NSL1: variants seen among roughly 807,000 people sequenced by gnomAD.
NSL1 encodes the protein NSL1 component of MIS12 kinetochore complex.
Under a neutral mutation model 25.4 loss-of-function variants are expected in NSL1, and 11 were observed. The observed-to-expected ratio is 0.43, with a 90% CI of 0.27 to 0.72. The LOEUF is 0.72. Among genes scored for constraint, NSL1 ranks in the 30% least tolerant of loss-of-function variants. The probability of loss-of-function intolerance (pLI) is 0.19; values close to 1 mark genes in which losing one functional copy is unlikely to be tolerated. For synonymous variants in NSL1, 118 were observed against 120.6 expected (o/e 0.98, Z 0.14); for missense variants, 330 against 342.7 (o/e 0.96, Z 0.29).
intron 4 of NSL1, chr1:212,766,394 T>C (rs2102375980): frequency 2.3e-6 from 1 of 426,022 alleles, no homozygotes. Context: ...ACCCAAACTG[T>C]CACTGTTTGC....
intron 4 of NSL1, among the ~76,000 whole-genome samples, chr1:212,743,471 T>TC (rs1658602615): frequency 2.0e-5 from 3 of 151,600 alleles, no homozygotes; most frequent in Non-Finnish European, 4.4e-5. Context: ...CTTATTTGTT[T>TC]TTTTTTTTTT....
chr1:212,759,263 G>T (rs577928666), intron 4 of NSL1, among the ~76,000 whole-genome samples: 1 of 152,264 alleles, frequency 6.6e-6, no homozygotes, highest in South Asian at 2.1e-4. Flanking sequence ...GAGATGGGGA[G>T]GGGGCTTCAA....
chr1:212,762,239 G>A (rs574906401), intron 4 of NSL1, among the ~76,000 whole-genome samples: 6 of 149,870 alleles, frequency 4.0e-5, no homozygotes, highest in African/African-American at 1.2e-4. Flanking sequence ...CAGAGGTTGC[G>A]GTGCGCCAAG....
At chr1:212,781,038 G>A (rs1660710893) in intron 4 of NSL1, among the ~76,000 whole-genome samples, 1 of 152,134 alleles carries the variant, frequency 6.6e-6, no homozygotes, top group South Asian at 2.1e-4. Context: ...ATAACTGTAG[G>A]CTAATTTTGC....
rs1268799355 is a variant in NSL1 at position 212,745,160 on chromosome 1, C to CAAACTA, written c.500-5560_500-5559insTAGTTT. 2.2e-3 allele frequency among the ~76,000 whole-genome samples: 256 copies of CAAACTA among 116,802 alleles called. 2 individuals are homozygous for CAAACTA. The highest frequency in any genetic ancestry group is 4.6e-3 in the South Asian group (17 of 3,678). 76.6% of individuals were successfully genotyped at this position (116,802 alleles called of 152,430 possible). On this transcript the variant is annotated intron_variant, in intron 4 of 5. Transcript: ENST00000366977. ...CAAAACAAACAAACAAACAAACAAA[C>CAAACTA]TATATATATATATATATATATATAT...
rs78314391 is a variant in NSL1, at chr1:212,738,779, T to G, written c.568-93A>C. The G allele has an allele frequency of 4.9e-6, 4 of 818,274 alleles. No individual in the cohort carries two copies. The East Asian group carries it at 1.2e-4, about 24-fold the overall frequency. 50.7% of individuals were successfully genotyped at this position (818,274 alleles called of 1,614,324 possible). On this transcript the variant is annotated intron_variant, in intron 5 of 5. Coordinates refer to ENST00000366977, the MANE Select transcript of NSL1 (RefSeq NM_015471.4). ...TGCAGTACTCTAATTTTTTTTTTTT[T>G]TCTTGAGAAGTCTTGCTTTGTTGCC...
chr1:212,785,586 C>T (rs533177869), intron 2 of NSL1, among the ~76,000 whole-genome samples: 41 of 152,036 alleles, frequency 2.7e-4, no homozygotes, highest in South Asian at 8.3e-4. Flanking sequence ...TGAGAACATG[C>T]GGTGTTTGGT....
chr1:212,762,893 T>C (rs546499328), intron 4 of NSL1, among the ~76,000 whole-genome samples: 21 of 152,244 alleles, frequency 1.4e-4, no homozygotes, highest in African/African-American at 4.6e-4. Context: ...GGAGGGGTCA[T>C]AGGGTGAAAG....
At chr1:212,747,622 C>T (rs981827469) in intron 4 of NSL1, among the ~76,000 whole-genome samples, 1 of 152,198 alleles carries the variant, frequency 6.6e-6, no homozygotes, top group African/African-American at 2.4e-5. Context: ...TAAGAGATAA[C>T]ACATTTATTG....
chr1:212,767,707 C>G (rs972650643), intron 4 of NSL1, among the ~76,000 whole-genome samples: 4 of 152,026 alleles, frequency 2.6e-5, no homozygotes, highest in Admixed American at 1.3e-4. Flanking sequence ...CTACAAGAAA[C>G]TCAAACAAAT....
rs1433550234 is a variant in NSL1 at position 212,728,987 on chromosome 1, A to C, written c.*9421T>G. 3.0e-6 allele frequency: 3 copies of C among 985,242 alleles called. No individual in the cohort carries two copies. The highest frequency in any genetic ancestry group is 1.1e-4 in the East Asian group (1 of 8,838). The allele number at this position is 985,242 out of a possible 1,614,324, so 61.0% of individuals were successfully genotyped here. A position where few individuals can be genotyped will look rare whatever the true frequency, so the allele number is the denominator to read the frequency against. On this transcript the variant is annotated 3_prime_UTR_variant, in exon 6 of 6. Coordinates refer to ENST00000366977, the MANE Select transcript of NSL1 (RefSeq NM_015471.4). ...AAAGAAATGAGGAGTAATTTTAGTA[A>C]GGAGGATTTCTAAAGAAGCAGTCAT...
chr1:212,791,294 A>C (rs1661242100), intron 1 of NSL1, among the ~76,000 whole-genome samples: 1 of 152,248 alleles, frequency 6.6e-6, no homozygotes, highest in Non-Finnish European at 1.5e-5. Flanking sequence ...TTAAAACTAC[A>C]TAAAGATTAG....
chr1:212,749,039 G>C (rs1248676495), intron 4 of NSL1, among the ~76,000 whole-genome samples: 1 of 151,980 alleles, frequency 6.6e-6, no homozygotes, highest in Non-Finnish European at 1.5e-5. Flanking sequence ...TTAAAAATAA[G>C]TTTATCCTAT....
chr1:212,790,914 C>T (rs1661195575), intron 1 of NSL1, among the ~76,000 whole-genome samples: 1 of 149,996 alleles, frequency 6.7e-6, no homozygotes, highest in African/African-American at 2.5e-5. Context: ...CAGAGCGAGA[C>T]TCTGTCTCAA....
intron 4 of NSL1, among the ~76,000 whole-genome samples, chr1:212,778,635 G>A (rs1219852684): frequency 1.3e-5 from 2 of 152,108 alleles, no homozygotes; most frequent in African/African-American, 2.4e-5. Context: ...TCCTAACCGC[G>A]AGTGATCTGC....
chr1:212,782,142 G>A (rs1161867889), intron 4 of NSL1: 1 of 710,618 alleles, frequency 1.4e-6, no homozygotes, highest in African/African-American at 1.7e-5. Context: ...GGTCAGGCAA[G>A]AACTTTATAA....
rs1660375629 is a variant in NSL1 at position 212,776,465 on chromosome 1, G to A, written c.499+5907C>T. 1.3e-5 allele frequency among the ~76,000 whole-genome samples: 2 copies of A among 151,934 alleles called. 1 individual carries two copies. Among genetic ancestry groups the A allele is most frequent in the East Asian group, 3.9e-4 (2 of 5,186 alleles). ...GCTACTTGAGAGGCTGAGGTGGGAG[G>A]ACTGCTTGAGCCTGGGAGGTCAAGA... On this transcript the variant is annotated intron_variant, in intron 4 of 5. Coordinates refer to ENST00000366977, the MANE Select transcript of NSL1 (RefSeq NM_015471.4).
At chr1:212,764,937 T>C (rs1659738381) in intron 4 of NSL1, among the ~76,000 whole-genome samples, 1 of 148,600 alleles carries the variant, frequency 6.7e-6, no homozygotes, top group Non-Finnish European at 1.5e-5. Context: ...CAAAAGGTCA[T>C]TCAAGGCTAC....
rs757137359 is a variant in NSL1 at position 212,787,653 on chromosome 1, A to G, written c.235-16T>C. 6 of 1,545,142 alleles carry G rather than the reference A, an allele frequency of 3.9e-6. No homozygotes were observed. Among genetic ancestry groups the G allele is most frequent in the Non-Finnish European group, 4.4e-6 (5 of 1,136,590 alleles). ...ATTCAAAAGTCTGCAATAAATTCAC[A>G]GTAGTCAAGTCACTAAAAATAATTT... On this transcript the variant is annotated splice_polypyrimidine_tract_variant and intron_variant, in intron 1 of 5. Coordinates refer to ENST00000366977, the MANE Select transcript of NSL1 (RefSeq NM_015471.4).
Sources: gnomAD v4.1 joint callset for allele counts (sites outside exome capture counted in the v4.1 genomes callset) on GRCh38, gnomAD v4.1.1 for gene constraint, MANE v1.5 for transcripts, NCBI Gene and HGNC (gene_info 2026-07-23, HGNC 2026-07-21) for gene names.